SPANXN1: variants seen among roughly 807,000 people sequenced by gnomAD.
SPANXN1 encodes the protein sperm protein associated with the nucleus on the X chromosome N1.
Under a neutral mutation model 2.0 loss-of-function variants are expected in SPANXN1, and 1 was observed. The ratio of observed to expected loss-of-function variants is 0.50; its 90% CI spans 0.18 to 2.36. The LOEUF (loss-of-function observed/expected upper bound fraction) is 2.36. Among genes scored for constraint, SPANXN1 ranks in the 30% most tolerant of loss-of-function variants. The probability of loss-of-function intolerance (pLI) is 0.26; values close to 1 mark genes in which losing one functional copy is unlikely to be tolerated. For synonymous variants in SPANXN1, 27 were observed against 21.3 expected, an observed-to-expected ratio of 1.27 and a Z score of -0.74; for missense variants, 55 against 51.8, an observed-to-expected ratio of 1.06 and a Z score of -0.19.
chrX:145,248,471 A>G (rs1556882096), intron 1 of SPANXN1, among the ~76,000 whole-genome samples: 1 of 112,096 alleles, frequency 8.9e-6, no homozygotes, highest in East Asian at 2.8e-4. Flanking sequence ...AGTTCTGCTA[A>G]CACTAGAATG....
At chrX:145,252,216 T>C (rs2070788960) in intron 1 of SPANXN1, among the ~76,000 whole-genome samples, 1 of 111,477 alleles carries the variant, frequency 9.0e-6, no homozygotes, top group Non-Finnish European at 1.9e-5. Context: ...ATGTGAGTAT[T>C]AGGATTTGGC....
intron 1 of SPANXN1, among the ~76,000 whole-genome samples, chrX:145,250,927 C>T (rs1414291992): frequency 8.9e-6 from 1 of 111,824 alleles, no homozygotes; most frequent in African/African-American, 3.3e-5. Context: ...CAGATGAAGG[C>T]ATGAGACTGT....
Position 145,255,699 on chromosome X carries a change from C to A in SPANXN1, c.104C>A (p.Ala35Asp), listed in dbSNP as rs782040198. 1 of 1,210,285 alleles carries A rather than the reference C, an allele frequency of 8.3e-7. No individual in the cohort carries two copies. Among genetic ancestry groups the A allele is most frequent in the Non-Finnish European group, 1.1e-6 (1 of 895,350 alleles). Reference protein sequence around the residue: ...EMQETPNRDLAPEPSLKKMKT... With the variant: ...EMQETPNRDLDPEPSLKKMKT... The stretch of plus-strand genomic sequence containing the variant: ...CAGGAGACACCAAACAGGGACTTAG[C>A]CCCCGAACCGAGTTTGAAAAAGATG... The change falls in exon 2 of 2, where the codon GCC becomes GAC. Residue 35 changes from alanine (A) to aspartate (D), a missense_variant. Transcript: ENST00000370493.
chrX:145,253,982 G>T lies in SPANXN1; in HGVS notation c.76-1689G>T, dbSNP rs147663302. On this transcript the variant is annotated intron_variant, in intron 1 of 1. Transcript: ENST00000370493. Reference sequence around the variant, plus strand: ...TCCTGCAAGGGAAGGACTTTGGAAGGCCTTTGGGCATGTGCCTGGTTTCTA... The same window carrying T: ...TCCTGCAAGGGAAGGACTTTGGAAGTCCTTTGGGCATGTGCCTGGTTTCTA... Among the ~76,000 whole-genome samples, 903 of 110,360 alleles carry T rather than the reference G, an allele frequency of 8.2e-3. 10 individuals carry two copies. The highest frequency in any genetic ancestry group is 0.029 in the African/African-American group (873 of 30,225).
intron 1 of SPANXN1, among the ~76,000 whole-genome samples, chrX:145,250,397 G>A (rs782405939): frequency 9.9e-5 from 11 of 111,195 alleles, no homozygotes; most frequent in Non-Finnish European, 1.9e-4. Flanking sequence ...CTCAGGCCTC[G>A]TGTGTTGGAA....
At chrX:145,255,179 A>G (rs1320697650) in intron 1 of SPANXN1, among the ~76,000 whole-genome samples, 1 of 111,776 alleles carries the variant, frequency 8.9e-6, no homozygotes, top group African/African-American at 3.3e-5. Context: ...AGCCTGGGGT[A>G]CTTACAGGTA....
chrX:145,255,129 G>A (rs1359074671), intron 1 of SPANXN1, among the ~76,000 whole-genome samples: 1 of 111,786 alleles, frequency 8.9e-6, no homozygotes, highest in East Asian at 2.8e-4. Flanking sequence ...ACTTGTGGAA[G>A]TGGGGGAACA....
In SPANXN1 at chrX:145,255,693, A is replaced by T. The variant is rs782606142; in HGVS notation, c.98A>T (p.Asp33Val). ...NDEMQETPNRDLAPEPSLKKM... is the reference protein window; with the variant it reads ...NDEMQETPNRVLAPEPSLKKM... Reference sequence around the variant, plus strand: ...CAGATGCAGGAGACACCAAACAGGGACTTAGCCCCCGAACCGAGTTTGAAA... The same window carrying T: ...CAGATGCAGGAGACACCAAACAGGGTCTTAGCCCCCGAACCGAGTTTGAAA... The change falls in exon 2 of 2, where the codon GAC becomes GTC. Residue 33 changes from aspartate (D) to valine (V), a missense_variant. Coordinates refer to ENST00000370493, the MANE Select transcript of SPANXN1 (RefSeq NM_001009614.3). 12 of 1,212,015 alleles carry T rather than the reference A, an allele frequency of 9.9e-6. No individual in the cohort carries two copies. The highest frequency in any genetic ancestry group is 1.2e-5 in the Non-Finnish European group (11 of 895,578).
In SPANXN1 at chrX:145,254,580, G is replaced by A. The variant is rs782091994; in HGVS notation, c.76-1091G>A. Among the ~76,000 whole-genome samples, 13 of 112,442 alleles carry A rather than the reference G, an allele frequency of 1.2e-4. No individual in the cohort carries two copies. In the East Asian group the frequency reaches 2.0e-3, roughly 17 times the overall value. On this transcript the variant is annotated intron_variant, in intron 1 of 1. Transcript: ENST00000370493. ...ATTCATGCTCCCCAGAGGCCGGAGC[G>A]GCCAGAGTGGCAAGCATTCTGAGGC...
At chrX:145,255,264 T>C (rs1273957573) in intron 1 of SPANXN1, among the ~76,000 whole-genome samples, 8 of 111,367 alleles carry the variant, frequency 7.2e-5, no homozygotes, top group African/African-American at 2.6e-4. Context: ...GATCAGGTGG[T>C]TTGGCCCTTT....
rs1922220282 is a variant in SPANXN1, at chrX:145,255,875, T to C, written c.*61T>C. 4.1e-6 allele frequency: 5 copies of C among 1,208,805 alleles called. No homozygotes were observed. The Admixed American group carries it at 6.6e-5, about 16-fold the overall frequency. ...CGAAGGCCTAGACTCAGCTGAAGGA[T>C]CTTCAAAGCAGGATGAAGACCTAGA... On this transcript the variant is annotated 3_prime_UTR_variant, in exon 2 of 2. Transcript: ENST00000370493.
At chrX:145,249,760 G>C (rs782166154) in intron 1 of SPANXN1, among the ~76,000 whole-genome samples, 1 of 111,158 alleles carries the variant, frequency 9.0e-6, no homozygotes, top group South Asian at 3.8e-4. Context: ...GGAGGAGTCT[G>C]TGATTCAGAC....
chrX:145,252,090 G>A (rs1346341707), intron 1 of SPANXN1, among the ~76,000 whole-genome samples: 1 of 111,737 alleles, frequency 8.9e-6, no homozygotes, highest in East Asian at 2.8e-4. Flanking sequence ...ACATATTGGA[G>A]GAGGGCACTA....
Position 145,247,666 on chromosome X carries a change from G to C in SPANXN1, c.75+5G>C. 1 of 1,205,068 alleles carries C rather than the reference G, an allele frequency of 8.3e-7. No homozygotes were observed. Among genetic ancestry groups the C allele is most frequent in the Non-Finnish European group, 1.1e-6 (1 of 889,686 alleles). On this transcript the variant is annotated splice_donor_5th_base_variant and intron_variant, in intron 1 of 1. Coordinates refer to ENST00000370493, the MANE Select transcript of SPANXN1 (RefSeq NM_001009614.3). ...TCCAACAATGAAAATGATGAGGTAAGATTGTTAGGTTTTGAAGGGAAGGTG... is the reference window on the plus strand; with the variant it reads ...TCCAACAATGAAAATGATGAGGTAACATTGTTAGGTTTTGAAGGGAAGGTG...
intron 1 of SPANXN1, among the ~76,000 whole-genome samples, chrX:145,254,629 G>A (rs1296060411): frequency 6.2e-5 from 7 of 112,068 alleles, no homozygotes; most frequent in African/African-American, 1.3e-4. Context: ...GGGAGGCTGC[G>A]GTCACCTGGT....
rs1602862273 is a variant in SPANXN1, at chrX:145,255,606, T to C, written c.76-65T>C. ...TTCCTTCTCATAAAGCCCCCCTTGC[T>C]ATCCAGTCTCTATCCTATTCACCCA... On this transcript the variant is annotated intron_variant, in intron 1 of 1. Coordinates refer to ENST00000370493, the MANE Select transcript of SPANXN1 (RefSeq NM_001009614.3). The C allele has an allele frequency of 8.3e-6, 10 of 1,199,649 alleles. No individual in the cohort carries two copies. The East Asian group carries it at 3.0e-4, about 36-fold the overall frequency.
chrX:145,255,617 T>C (rs1453120019), intron 1 of SPANXN1, 54 bp from the exon 2 acceptor site: 11 of 1,205,829 alleles, frequency 9.1e-6, no homozygotes, highest in Admixed American at 2.2e-5. Context: ...ATCCAGTCTC[T>C]ATCCTATTCA....
intron 1 of SPANXN1, among the ~76,000 whole-genome samples, chrX:145,255,391 T>G (rs1329123307): frequency 1.8e-5 from 2 of 111,551 alleles, no homozygotes; most frequent in Non-Finnish European, 3.8e-5. Context: ...GCAGGATGTT[T>G]CTCACGGCCT....
chrX:145,254,338 TGTTGAATTTGGAA>T (rs1425206489), intron 1 of SPANXN1, among the ~76,000 whole-genome samples: 6 of 112,018 alleles, frequency 5.4e-5, no homozygotes, highest in Non-Finnish European at 1.1e-4. Context: ...TTTCAGATGA[TGTTGAATTTGGAA>T]GTTGAATGTT....
Sources: gnomAD v4.1 joint callset for allele counts (sites outside exome capture counted in the v4.1 genomes callset) on GRCh38, gnomAD v4.1.1 for gene constraint, MANE v1.5 for transcripts, NCBI Gene and HGNC (gene_info 2026-07-23, HGNC 2026-07-21) for gene names.